The following ICE2 variants were observed in gnomAD, a reference collection of about 807,000 sequenced individuals.
The protein encoded by ICE2 is interactor of little elongation complex ELL subunit 2.
A neutral mutation model predicts 105.4 loss-of-function variants in ICE2; 87 were observed. The observed-to-expected ratio is 0.83, with a 90% CI of 0.69 to 0.99. ICE2 has a LOEUF of 0.99. ICE2 is among the 50% of genes least tolerant of loss of function. The pLI, the probability that ICE2 is intolerant of heterozygous loss-of-function variation, is 0.00. For synonymous variants in ICE2, 399 were observed against 392.0 expected, an observed-to-expected ratio of 1.02 and a Z score of -0.21; for missense variants, 1,323 against 1,146.7, an observed-to-expected ratio of 1.15 and a Z score of -2.22.
Position 60,442,513 on chromosome 15 carries a change from C to T in ICE2, c.2328G>A (p.Glu776=). 2 of 1,588,490 alleles carry T rather than the reference C, an allele frequency of 1.3e-6. No individual in the cohort carries two copies. The highest frequency in any genetic ancestry group is 1.7e-6 in the Non-Finnish European group (2 of 1,174,038). The change falls in exon 12 of 16, where the codon GAG becomes GAA. Residue 776 remains glutamate (E), a synonymous_variant. Coordinates refer to ENST00000261520, the MANE Select transcript of ICE2 (RefSeq NM_024611.6). ...QFPVYVLPKV[E]YQACYGVEAL... is the part of the protein sequence containing the mutation. Reference sequence around the variant, plus strand: ...CTTCAACTCCATAACAAGCTTGATACTCTACTTTTGGTAGTACATAAACTG... The same window carrying T: ...CTTCAACTCCATAACAAGCTTGATATTCTACTTTTGGTAGTACATAAACTG...
At chr15:60,435,909 G>T (rs1024098640) in intron 13 of ICE2, among the ~76,000 whole-genome samples, 1 of 151,294 alleles carries the variant, frequency 6.6e-6, no homozygotes, top group African/African-American at 2.4e-5. Context: ...GGAGGCAGAG[G>T]TTGCAGTGAG....
At chr15:60,438,267 C>T (rs2063640968) in intron 12 of ICE2, 1 of 152,140 alleles carries the variant, frequency 6.6e-6, no homozygotes, top group Non-Finnish European at 1.5e-5. Context: ...ATTTTTTTAA[C>T]TCCTAATATT....
Position 60,449,556 on chromosome 15 carries a change from C to A in ICE2, c.1411G>T (p.Val471Phe). 6.2e-7 allele frequency: 1 copy of A among 1,614,146 alleles called. No individual in the cohort carries two copies. The change falls in exon 10 of 16, where the codon GTC becomes TTC. Residue 471 changes from valine to phenylalanine, a missense_variant. By Grantham distance (50) the Val-to-Phe change is conservative (BLOSUM62 -1). Transcript: ENST00000261520. The stretch of plus-strand genomic sequence containing the variant: ...TCAGGGCCACCATCCATACCAGTGA[C>A]CAGCTGTTTCTCCTTTTGCAATTGT... ...MEQLQKEKQL[V>F]TGMDGGPEEC...
chr15:60,431,923 A>T lies in ICE2; in HGVS notation c.2561+11T>A. 7.5e-7 allele frequency: 1 copy of T among 1,334,650 alleles called. No homozygotes were observed. The highest frequency in any genetic ancestry group is 1.1e-6 in the Non-Finnish European group (1 of 949,696). The allele number at this position is 1,334,650 out of a possible 1,614,324, so 82.7% of individuals were successfully genotyped here. A position where few individuals can be genotyped will look rare whatever the true frequency, so the allele number is the denominator to read the frequency against. ...AGATGTATCAAAGCAAAATGCCTAA[A>T]AAATACTTACCTACTTAGTTTCTTT... On this transcript the variant is annotated intron_variant, in intron 14 of 15. Coordinates refer to ENST00000261520, the MANE Select transcript of ICE2 (RefSeq NM_024611.6).
intron 5 of ICE2, among the ~76,000 whole-genome samples, chr15:60,463,857 C>A (rs1282211515): frequency 1.3e-5 from 2 of 152,108 alleles, no homozygotes; most frequent in Non-Finnish European, 2.9e-5. Flanking sequence ...AAGCACAGAA[C>A]TTATCACCAC....
At chr15:60,425,133 C>T (rs965637858) in intron 15 of ICE2, among the ~76,000 whole-genome samples, 3 of 152,138 alleles carry the variant, frequency 2.0e-5, no homozygotes, top group Admixed American at 6.5e-5. Context: ...TGAAAAAGCT[C>T]GGACTCTGGC....
At chr15:60,445,079 A>G (rs977892952) in intron 11 of ICE2, among the ~76,000 whole-genome samples, 4 of 152,210 alleles carry the variant, frequency 2.6e-5, no homozygotes, top group African/African-American at 9.7e-5. Flanking sequence ...TTGGTAAGGA[A>G]ACATAAATGA....
intron 11 of ICE2, 80 bp from the exon 12 acceptor site, chr15:60,442,625 C>G: frequency 9.7e-6 from 11 of 1,133,894 alleles, no homozygotes; most frequent in Non-Finnish European, 1.4e-5. Flanking sequence ...ACAGCTTTGC[C>G]ACTTTCAAAA....
At chr15:60,434,657 C>T (rs368389675) in intron 13 of ICE2, among the ~76,000 whole-genome samples, 1 of 151,918 alleles carries the variant, frequency 6.6e-6, no homozygotes, top group South Asian at 2.1e-4. Context: ...AAATCAGGCA[C>T]AGAAAGACAA....
rs190936114 is a variant in ICE2 at position 60,450,654 on chromosome 15, C to T, written c.1126-813G>A. Reference sequence around the variant, plus strand: ...TTAAGAGAAAGGTTCTAACAGTCACCAGCAGTGAGTAAGAAAGATCAACTC... The same window carrying T: ...TTAAGAGAAAGGTTCTAACAGTCACTAGCAGTGAGTAAGAAAGATCAACTC... On this transcript the variant is annotated intron_variant, in intron 9 of 15. Transcript: ENST00000261520. Among the ~76,000 whole-genome samples the T allele has an allele frequency of 1.8e-3, 280 of 152,324 alleles. 3 individuals are homozygous for T. Among genetic ancestry groups the T allele is most frequent in the Non-Finnish European group, 4.1e-4 (28 of 68,034 alleles).
At chr15:60,427,474 G>A (rs931243714) in intron 15 of ICE2, among the ~76,000 whole-genome samples, 2 of 152,156 alleles carry the variant, frequency 1.3e-5, no homozygotes, top group Non-Finnish European at 2.9e-5. Flanking sequence ...AGGCTGGAGT[G>A]CAGTAGAGTG....
chr15:60,448,060 A>G lies in ICE2; in HGVS notation c.2205T>C (p.Phe735=). 1 of 1,613,694 alleles carries G rather than the reference A, an allele frequency of 6.2e-7. No homozygotes were observed. Among genetic ancestry groups the G allele is most frequent in the East Asian group, 2.2e-5 (1 of 44,872 alleles). ...CGAGTAACAACAGGTCTTGCAGGCT[A>G]AATAACTTATAAACAAAATTTCCTT... ...PQEGNFVYKL[F]SLQDLLLLVR... is the part of the protein sequence containing the mutation. Residue 735 remains phenylalanine, a synonymous_variant, in exon 11 of 16, where the codon TTT becomes TTC. Transcript: ENST00000261520.
chr15:60,453,545 T>C (rs1412326710), intron 9 of ICE2, 58 bp downstream of exon 9: 2 of 1,577,756 alleles, frequency 1.3e-6, no homozygotes, highest in Admixed American at 1.9e-5. Flanking sequence ...TAAAACTTTA[T>C]GCTTCAAAAG....
At chr15:60,453,826 T>C in intron 8 of ICE2, 42 bp from the exon 9 acceptor site, 5 of 1,449,742 alleles carry the variant, frequency 3.4e-6, no homozygotes, top group Non-Finnish European at 4.8e-6. Flanking sequence ...TAGTATCTAA[T>C]TGTGATATAT....
chr15:60,457,761 T>C (rs1376618339), intron 5 of ICE2, among the ~76,000 whole-genome samples: 1 of 152,210 alleles, frequency 6.6e-6, no homozygotes, highest in African/African-American at 2.4e-5. Flanking sequence ...ATTTAATTCA[T>C]GGTATCATTT....
At chr15:60,428,794 A>G (rs2063392659) in intron 14 of ICE2, 107 bp from the exon 15 acceptor site, 1 of 1,102,714 alleles carries the variant, frequency 9.1e-7, no homozygotes, top group African/African-American at 1.6e-5. Flanking sequence ...AGAAGATCAC[A>G]CCACCTCTAA....
chr15:60,465,696 A>AC lies in ICE2; in HGVS notation c.528+897_528+898insG, dbSNP rs1255522659. On this transcript the variant is annotated intron_variant, in intron 5 of 15. Coordinates refer to ENST00000261520, the MANE Select transcript of ICE2 (RefSeq NM_024611.6). Reference sequence around the variant, plus strand: ...GACTGATATTTATAAACTCTACTACAAATATGTGTGTGTGTATATATATAT... The same window carrying AC: ...GACTGATATTTATAAACTCTACTACACAATATGTGTGTGTGTATATATATAT... 5.2e-3 allele frequency among the ~76,000 whole-genome samples: 38 copies of AC among 7,348 alleles called. 1 individual carries two copies. Among genetic ancestry groups the AC allele is most frequent in the Middle Eastern group, 0.25 (1 of 4 alleles). 4.8% of individuals were successfully genotyped at this position (7,348 alleles called of 152,430 possible).
intron 3 of ICE2, among the ~76,000 whole-genome samples, chr15:60,473,801 T>C (rs1468987021): frequency 1.3e-5 from 2 of 152,372 alleles, no homozygotes; most frequent in Admixed American, 6.5e-5. Flanking sequence ...AGGGAGTCTA[T>C]TGCTTTAACT....
At chr15:60,457,607 A>G (rs2064162709) in intron 5 of ICE2, among the ~76,000 whole-genome samples, 1 of 152,248 alleles carries the variant, frequency 6.6e-6, no homozygotes, top group East Asian at 1.9e-4. Context: ...ATATTTGTAA[A>G]ATGTGTCACG....
Sources: allele counts gnomAD v4.1 joint callset (sites outside exome capture counted in the v4.1 genomes callset), GRCh38; gene constraint gnomAD v4.1.1; transcripts MANE v1.5; gene names NCBI Gene and HGNC (gene_info 2026-07-23, HGNC 2026-07-21).